Variants in COL27A1 observed in about 807,000 individuals in gnomAD.
The protein encoded by COL27A1 is collagen type XXVII alpha 1 chain.
COL27A1 carries 106 observed loss-of-function variants against 251.3 expected under a neutral mutation model. The ratio of observed to expected loss-of-function variants is 0.42; its 90% CI spans 0.36 to 0.50. COL27A1 has a LOEUF of 0.50. Among genes scored for constraint, COL27A1 ranks in the 20% least tolerant of loss-of-function variants. The pLI, the probability that COL27A1 is intolerant of heterozygous loss-of-function variation, is 0.00. For synonymous variants in COL27A1, 1,000 were observed against 986.3 expected, an observed-to-expected ratio of 1.01 and a Z score of -0.26; for missense variants, 2,325 against 2,522.8, an observed-to-expected ratio of 0.92 and a Z score of 1.68.
chr9:114,269,633 A>AAG (rs1415979939), intron 35 of COL27A1, among the ~76,000 whole-genome samples: 1 of 149,612 alleles, frequency 6.7e-6, no homozygotes, highest in Non-Finnish European at 1.5e-5. Flanking sequence ...AAAAAAAAAA[A>AAG]AAAGAAGAAG....
intron 28 of COL27A1, among the ~76,000 whole-genome samples, chr9:114,263,778 G>A (rs1276008969): frequency 2.0e-5 from 3 of 152,114 alleles, no homozygotes; most frequent in East Asian, 1.9e-4. Context: ...CCACTCCCTC[G>A]TGCAAAATCC....
chr9:114,169,081 C>T lies in COL27A1; in HGVS notation c.1526C>T (p.Pro509Leu). 6.2e-7 allele frequency: 1 copy of T among 1,614,090 alleles called. No individual in the cohort carries two copies. The highest frequency in any genetic ancestry group is 8.5e-7 in the Non-Finnish European group (1 of 1,179,984). Residue 509 changes from proline (P) to leucine (L), a missense_variant, in exon 3 of 61, where the codon CCT (proline) becomes CTT (leucine). Transcript: ENST00000356083. ...RSTRPPATMV[P>L]PTSGTSTPRT... The stretch of plus-strand genomic sequence containing the variant: ...ACTCGGCCACCAGCCACGATGGTAC[C>T]TCCAACTTCGGGCACCAGCACTCCC...
rs531360369 is a variant in COL27A1, at chr9:114,205,788, G to C, written c.2199G>C (p.Gly733=). The C allele has an allele frequency of 3.7e-6, 6 of 1,613,874 alleles. No homozygotes were observed. The South Asian group carries it at 6.6e-5, about 18-fold the overall frequency. Residue 733 remains glycine (G), a synonymous_variant, in exon 9 of 61, where the codon GGG becomes GGC. Coordinates refer to ENST00000356083, the MANE Select transcript of COL27A1 (RefSeq NM_032888.4). ...AGCCAGGACCTGAGGGCAGCCCAGG[G>C]GCCAAAGGTTACCCTGGCAGGCAGG... ...QGQPGPEGSP[G]AKGYPGRQGL...
intron 60 of COL27A1, 61 bp downstream of exon 60, chr9:114,309,539 G>A: frequency 4.0e-6 from 5 of 1,263,334 alleles, no homozygotes; most frequent in Admixed American, 2.1e-5. Context: ...ACACTTGTTT[G>A]GAAAAATGTG....
At position 114,167,818 on chromosome 9, in the gene COL27A1, C is replaced by T. The variant is rs1457569015; in HGVS notation, c.263C>T (p.Thr88Ile). 6.2e-7 allele frequency: 1 copy of T among 1,613,506 alleles called. No homozygotes were observed. The highest frequency in any genetic ancestry group is 1.3e-5 in the African/African-American group (1 of 75,078). The change falls in exon 3 of 61, where the codon ACC becomes ATC. Residue 88 changes from threonine to isoleucine, a missense_variant. By Grantham distance (89) the Thr-to-Ile change is moderately conservative. Transcript: ENST00000356083. ...QRARLQAPTG[T>I]VIPAALGTEL... is the part of the protein sequence containing the mutation. ...GCCCGGCTCCAGGCTCCCACGGGCA[C>T]CGTCATTCCTGCCGCCTTGGGCACA...
chr9:114,311,548 G>GAAAAAAAAAAAAAAAAAAGGA lies in COL27A1; in HGVS notation c.*870_*871insAGGAAAAAAAAAAAAAAAAAA, dbSNP rs56094843. On this transcript the variant is annotated 3_prime_UTR_variant, in exon 61 of 61. Coordinates refer to ENST00000356083, the MANE Select transcript of COL27A1 (RefSeq NM_032888.4). The stretch of plus-strand genomic sequence containing the variant: ...AGGAGGAAAAAAGAAAAGAAAAAAG[G>GAAAAAAAAAAAAAAAAAAGGA]AAAAAAAAAAAAAAAAAGCAAAACA... 1 of 96,218 alleles carries GAAAAAAAAAAAAAAAAAAGGA rather than the reference G, an allele frequency of 1.0e-5. No homozygotes were observed. Among genetic ancestry groups the GAAAAAAAAAAAAAAAAAAGGA allele is most frequent in the Non-Finnish European group, 2.4e-5 (1 of 41,944 alleles). 6.0% of individuals were successfully genotyped at this position (96,218 alleles called of 1,614,324 possible).
rs541027597 is a variant in COL27A1 at position 114,304,078 on chromosome 9, C to T, written c.4873-530C>T. 6.6e-5 allele frequency among the ~76,000 whole-genome samples: 10 copies of T among 152,352 alleles called. No individual in the cohort carries two copies. The South Asian group carries it at 1.9e-3, about 28-fold the overall frequency. ...TCTAACCACCAGATACAAGTAGTACCCCCTCCCCCGGCTTGAACAACTAAA... is the reference window on the plus strand; with the variant it reads ...TCTAACCACCAGATACAAGTAGTACTCCCTCCCCCGGCTTGAACAACTAAA... On this transcript the variant is annotated intron_variant, in intron 56 of 60. Transcript: ENST00000356083.
At chr9:114,219,770 G>C (rs765404323) in intron 12 of COL27A1, 21 bp from the exon 13 acceptor site, 2 of 1,584,526 alleles carry the variant, frequency 1.3e-6, no homozygotes, top group South Asian at 2.2e-5. Context: ...ACAGATGTTT[G>C]TTCTCTCTCA....
intron 56 of COL27A1, 148 bp from the exon 57 acceptor site, chr9:114,304,460 C>T: frequency 2.9e-6 from 2 of 685,282 alleles, no homozygotes; most frequent in Non-Finnish European, 2.6e-6. Context: ...CTTTGACTGT[C>T]TGCAAAGAGA....
chr9:114,250,742 T>A lies in COL27A1; in HGVS notation c.3033+74T>A, dbSNP rs140094261. The A allele has an allele frequency of 4.3e-4, 589 of 1,374,664 alleles. 4 individuals are homozygous for A. The East Asian group carries it at 0.014, about 32-fold the overall frequency. 85.2% of individuals were successfully genotyped at this position (1,374,664 alleles called of 1,614,324 possible). ...AAATTGTAAAAAGGTGAAGAGGCCC[T>A]TTGACCTGGGGATTTCAGAATACCC... On this transcript the variant is annotated intron_variant, in intron 25 of 60. Transcript: ENST00000356083.
intron 17 of COL27A1, among the ~76,000 whole-genome samples, chr9:114,236,753 G>A (rs1205795870): frequency 6.6e-6 from 1 of 152,190 alleles, no homozygotes; most frequent in Non-Finnish European, 1.5e-5. Context: ...TCTTCCTGGT[G>A]AGGACAGGGG....
intron 21 of COL27A1, among the ~76,000 whole-genome samples, chr9:114,240,722 C>T (rs1384969564): frequency 1.3e-5 from 2 of 152,238 alleles, no homozygotes; most frequent in Admixed American, 1.3e-4. Context: ...CGCACCCTCC[C>T]TCCTCTGCAC....
At chr9:114,217,973 G>T in intron 12 of COL27A1, 1 of 371,864 alleles carries the variant, frequency 2.7e-6, no homozygotes, top group East Asian at 7.3e-5. Flanking sequence ...AATTAGCCAG[G>T]TGTAGTGGTG....
intron 21 of COL27A1, among the ~76,000 whole-genome samples, chr9:114,241,214 T>TG (rs1832731398): frequency 6.6e-6 from 1 of 152,238 alleles, no homozygotes; most frequent in South Asian, 2.1e-4. Flanking sequence ...ATTCTTAGCC[T>TG]TCCCATGCCC....
At chr9:114,170,836 T>G (rs1849261891) in intron 3 of COL27A1, among the ~76,000 whole-genome samples, 1 of 152,234 alleles carries the variant, frequency 6.6e-6, no homozygotes, top group African/African-American at 2.4e-5. Context: ...CCAGGTGCCT[T>G]GGGGCCCTGA....
At chr9:114,231,925 C>G in intron 16 of COL27A1, 59 bp downstream of exon 16, 1 of 1,541,096 alleles carries the variant, frequency 6.5e-7, no homozygotes, top group Non-Finnish European at 9.0e-7. Flanking sequence ...CCCCTCTCCG[C>G]CCGGAGGCTG....
intron 7 of COL27A1, among the ~76,000 whole-genome samples, chr9:114,201,449 C>T (rs894471427): frequency 1.3e-5 from 2 of 152,194 alleles, no homozygotes; most frequent in African/African-American, 4.8e-5. Flanking sequence ...CACCTCCCAC[C>T]GCCTACCTCC....
In COL27A1 at chr9:114,164,963, A is replaced by G. The variant is rs1252114552; in HGVS notation, c.133+2178A>G. On this transcript the variant is annotated intron_variant, in intron 2 of 60. Coordinates refer to ENST00000356083, the MANE Select transcript of COL27A1 (RefSeq NM_032888.4). Reference sequence around the variant, plus strand: ...AGCTATAGAATTCTTAGAACATTGTAACACCTGTGCTATCTCAAGATCTGT... The same window carrying G: ...AGCTATAGAATTCTTAGAACATTGTGACACCTGTGCTATCTCAAGATCTGT... Among the ~76,000 whole-genome samples, 3 of 152,208 alleles carry G rather than the reference A, an allele frequency of 2.0e-5. No individual in the cohort carries two copies. In the East Asian group the frequency reaches 5.8e-4, roughly 29 times the overall value.
chr9:114,302,850 A>C (rs1828756742), intron 56 of COL27A1, among the ~76,000 whole-genome samples: 1 of 151,878 alleles, frequency 6.6e-6, no homozygotes. Flanking sequence ...TGACGAGTCC[A>C]TCCACATTGT....
Sources: allele counts gnomAD v4.1 joint callset (sites outside exome capture counted in the v4.1 genomes callset), GRCh38; gene constraint gnomAD v4.1.1; transcripts MANE v1.5; gene names NCBI Gene and HGNC (gene_info 2026-07-23, HGNC 2026-07-21).